The following MYO5B variants were observed in gnomAD, a reference collection of about 807,000 sequenced individuals.
MYO5B encodes unconventional myosin-Vb.
MYO5B carries 143 observed loss-of-function variants against 229.3 expected under a neutral mutation model. The observed-to-expected ratio is 0.62, with a 90% CI of 0.54 to 0.72. The LOEUF (loss-of-function observed/expected upper bound fraction) is 0.72. Ranked by LOEUF, MYO5B falls within the 30% of genes least tolerant of loss-of-function variation. MYO5B has a pLI of 0.00. For synonymous variants in MYO5B, 918 were observed against 885.2 expected (o/e 1.04, Z -0.66); for missense variants, 2,321 against 2,331.0 (o/e 1.00, Z 0.09).
chr18:49,957,373 G>A (rs2144252201), intron 12 of MYO5B, among the ~76,000 whole-genome samples: 1 of 152,026 alleles, frequency 6.6e-6, no homozygotes, highest in African/African-American at 2.4e-5. Context: ...CAGGCGCAAT[G>A]GCTCACACCT....
chr18:50,117,331 G>A (rs2031981254), intron 1 of MYO5B, among the ~76,000 whole-genome samples: 1 of 151,930 alleles, frequency 6.6e-6, no homozygotes, highest in African/African-American at 2.4e-5. Flanking sequence ...ATTTCTTCAA[G>A]GCTCTTCCAG....
At chr18:49,982,960 A>G (rs1598930660) in intron 8 of MYO5B, among the ~76,000 whole-genome samples, 1 of 152,164 alleles carries the variant, frequency 6.6e-6, no homozygotes, top group South Asian at 2.1e-4. Flanking sequence ...CACTGCCCAC[A>G]TCAGCACTAC....
chr18:50,080,811 G>C (rs183523069), intron 1 of MYO5B, among the ~76,000 whole-genome samples: 158 of 152,236 alleles, frequency 1.0e-3, no homozygotes, highest in African/African-American at 3.4e-3. Flanking sequence ...ATAAGCACAG[G>C]GGCACGGCCC....
chr18:50,133,775 G>A (rs1463016953), intron 1 of MYO5B, among the ~76,000 whole-genome samples: 2 of 152,132 alleles, frequency 1.3e-5, no homozygotes, highest in Non-Finnish European at 2.9e-5. Context: ...ACCTCCAGGA[G>A]CCTGGGACTC....
intron 5 of MYO5B, among the ~76,000 whole-genome samples, chr18:49,994,214 T>C (rs747052865): frequency 5.3e-5 from 8 of 152,174 alleles, no homozygotes; most frequent in African/African-American, 1.9e-4. Context: ...CCTTAGCCCA[T>C]ATGCGGTTAA....
intron 13 of MYO5B, 132 bp downstream of exon 13, chr18:49,954,181 G>C (rs2144246467): frequency 7.3e-7 from 1 of 1,373,090 alleles, no homozygotes; most frequent in Non-Finnish European, 1.0e-6. Flanking sequence ...AAAGAGGATG[G>C]AAGGGGAACC....
chr18:49,946,412 T>C (rs1452047236), intron 14 of MYO5B: 1 of 152,206 alleles, frequency 6.6e-6, no homozygotes, highest in African/African-American at 2.4e-5. Flanking sequence ...AGTGTCATAT[T>C]GGTGCTCAAA....
At chr18:49,963,714 C>T (rs1407515501) in intron 10 of MYO5B, among the ~76,000 whole-genome samples, 1 of 152,162 alleles carries the variant, frequency 6.6e-6, no homozygotes, top group Non-Finnish European at 1.5e-5. Context: ...AGGCATGAGC[C>T]ACCACACCTG....
At chr18:49,894,291 G>T (rs2024751875) in intron 22 of MYO5B, among the ~76,000 whole-genome samples, 1 of 151,980 alleles carries the variant, frequency 6.6e-6, no homozygotes, top group Non-Finnish European at 1.5e-5. Context: ...GGGAGGGGGG[G>T]CGGTGGTGGG....
At chr18:49,938,342 T>C (rs1018136242) in intron 14 of MYO5B, among the ~76,000 whole-genome samples, 1 of 151,960 alleles carries the variant, frequency 6.6e-6, no homozygotes. Context: ...CATCAAGAAG[T>C]TCAGTCTGAC....
Position 49,941,996 on chromosome 18 carries a change from T to A in MYO5B, c.1753-4599A>T, listed in dbSNP as rs542293290. 3.8e-3 allele frequency among the ~76,000 whole-genome samples: 253 copies of A among 67,082 alleles called. 20 individuals are homozygous for A. Among genetic ancestry groups the A allele is most frequent in the Middle Eastern group, 0.012 (1 of 84 alleles). 44.0% of individuals were successfully genotyped at this position (67,082 alleles called of 152,430 possible). On this transcript the variant is annotated intron_variant, in intron 14 of 39. Transcript: ENST00000285039. Reference sequence around the variant, plus strand: ...AAAACAGAGACATAGATCAATGGGATCTATGTCTGAGGACAGAGCCCTCAG... The same window carrying A: ...AAAACAGAGACATAGATCAATGGGAACTATGTCTGAGGACAGAGCCCTCAG...
intron 10 of MYO5B, among the ~76,000 whole-genome samples, chr18:49,970,298 T>A (rs1015572094): frequency 3.3e-5 from 5 of 152,188 alleles, no homozygotes; most frequent in African/African-American, 1.2e-4. Flanking sequence ...TTGTTCTGAG[T>A]ACTGCTTGCT....
At chr18:49,842,721 G>A (rs1038579849) in intron 34 of MYO5B, among the ~76,000 whole-genome samples, 4 of 152,190 alleles carry the variant, frequency 2.6e-5, no homozygotes, top group Non-Finnish European at 5.9e-5. Context: ...GCATTCCCGA[G>A]CACCTTTAAC....
chr18:50,052,296 G>C (rs1276426151), intron 2 of MYO5B, among the ~76,000 whole-genome samples: 2 of 151,176 alleles, frequency 1.3e-5, no homozygotes, highest in Non-Finnish European at 2.9e-5. Flanking sequence ...CAAAGACTTG[G>C]AACCAACCCA....
intron 12 of MYO5B, among the ~76,000 whole-genome samples, chr18:49,956,853 T>C (rs1476533940): frequency 2.0e-5 from 3 of 152,064 alleles, no homozygotes; most frequent in Non-Finnish European, 4.4e-5. Flanking sequence ...CCATCTGTAT[T>C]AAATGCCCAG....
intron 1 of MYO5B, among the ~76,000 whole-genome samples, chr18:50,143,158 G>C (rs566569200): frequency 6.6e-6 from 1 of 152,316 alleles, no homozygotes; most frequent in African/African-American, 2.4e-5. Context: ...CTAACCCTGA[G>C]CACTGCACAC....
chr18:49,859,687 A>G (rs1383293428), intron 29 of MYO5B, among the ~76,000 whole-genome samples: 1 of 152,202 alleles, frequency 6.6e-6, no homozygotes, highest in Non-Finnish European at 1.5e-5. Context: ...CAGCAGACCC[A>G]AACTGTGCTG....
At chr18:50,011,046 TTA>T (rs1467305360) in intron 4 of MYO5B, among the ~76,000 whole-genome samples, 1 of 152,102 alleles carries the variant, frequency 6.6e-6, no homozygotes, top group Admixed American at 6.5e-5. Flanking sequence ...TTTTTAAAAT[TTA>T]GGGCATCATG....
At chr18:50,177,737 C>A (rs2033016768) in intron 1 of MYO5B, among the ~76,000 whole-genome samples, 1 of 152,242 alleles carries the variant, frequency 6.6e-6, no homozygotes. Flanking sequence ...TGGTTCTAGA[C>A]AGAGCATTCA....
Sources: gnomAD v4.1 joint callset for allele counts (sites outside exome capture counted in the v4.1 genomes callset) on GRCh38, gnomAD v4.1.1 for gene constraint, MANE v1.5 for transcripts, NCBI Gene and HGNC (gene_info 2026-07-23, HGNC 2026-07-21) for gene names.